KCNH8: variants seen among roughly 807,000 people sequenced by gnomAD.
KCNH8 encodes voltage-gated delayed rectifier potassium channel KCNH8.
A neutral mutation model predicts 103.6 loss-of-function variants in KCNH8; 70 were observed. The observed-to-expected ratio is 0.68, with a 90% CI of 0.56 to 0.82. The LOEUF (loss-of-function observed/expected upper bound fraction) is 0.82. Among genes scored for constraint, KCNH8 ranks in the 40% least tolerant of loss-of-function variants. The pLI is 0.00. For synonymous variants in KCNH8, 498 were observed against 489.4 expected (o/e 1.02, Z -0.23); for missense variants, 1,217 against 1,329.9 (o/e 0.92, Z 1.32).
At chr3:19,415,034 A>C (rs962833412) in intron 7 of KCNH8, among the ~76,000 whole-genome samples, 2 of 152,138 alleles carry the variant, frequency 1.3e-5, no homozygotes, top group East Asian at 3.9e-4. Flanking sequence ...CTACTATTAT[A>C]AACTTGGTGC....
chr3:19,152,673 C>G (rs958951299), intron 1 of KCNH8, among the ~76,000 whole-genome samples: 1 of 152,236 alleles, frequency 6.6e-6, no homozygotes, highest in Non-Finnish European at 1.5e-5. Flanking sequence ...CAGTGGCTCA[C>G]GCCTGTAATC....
intron 2 of KCNH8, among the ~76,000 whole-genome samples, chr3:19,276,752 A>G (rs1323252705): frequency 1.3e-5 from 2 of 152,196 alleles, no homozygotes; most frequent in South Asian, 2.1e-4. Context: ...TAATAATTAT[A>G]AATATTAGCA....
intron 11 of KCNH8, among the ~76,000 whole-genome samples, chr3:19,459,034 A>G (rs2067578745): frequency 6.6e-6 from 1 of 152,048 alleles, no homozygotes; most frequent in Non-Finnish European, 1.5e-5. Flanking sequence ...TATCTTGGCT[A>G]TTATGAATAA....
At chr3:19,354,328 G>T (rs1321614872) in intron 5 of KCNH8, among the ~76,000 whole-genome samples, 2 of 152,142 alleles carry the variant, frequency 1.3e-5, no homozygotes, top group East Asian at 1.9e-4. Flanking sequence ...TAGACTCAAT[G>T]CTATCCCCAT....
chr3:19,224,473 A>AT (rs747972200), intron 1 of KCNH8, among the ~76,000 whole-genome samples: 7 of 151,560 alleles, frequency 4.6e-5, no homozygotes, highest in South Asian at 4.2e-4. Flanking sequence ...TTGAAGTGTA[A>AT]TTTTTTCTCC....
intron 1 of KCNH8, among the ~76,000 whole-genome samples, chr3:19,206,213 A>G (rs2063714197): frequency 6.8e-6 from 1 of 148,116 alleles, no homozygotes; most frequent in Admixed American, 6.8e-5. Context: ...GTATATATAC[A>G]TACCACAGTT....
intron 1 of KCNH8, among the ~76,000 whole-genome samples, chr3:19,245,460 C>T (rs1051638592): frequency 2.6e-5 from 4 of 152,028 alleles, no homozygotes; most frequent in African/African-American, 7.3e-5. Flanking sequence ...TGTTTCCATA[C>T]GAATTTTAGA....
chr3:19,210,455 T>A (rs1296502225), intron 1 of KCNH8, among the ~76,000 whole-genome samples: 1 of 152,096 alleles, frequency 6.6e-6, no homozygotes, highest in African/African-American at 2.4e-5. Context: ...CCAGGGTGAA[T>A]AAAGCCTTCT....
chr3:19,533,731 TATCA>T lies in KCNH8; in HGVS notation c.2957_2960del (p.Tyr986PhefsTer23). ...GCAAAATCCTGCAGACAGTGAACTT[TATCA>T]TTCTCCAAGCCTTGATTATTCACCT... On this transcript the variant is annotated frameshift_variant, in exon 16 of 16. Transcript: ENST00000328405. LOFTEE classifies it high-confidence loss of function. 6.2e-7 allele frequency: 1 copy of T among 1,614,208 alleles called. No homozygotes were observed. Among genetic ancestry groups the T allele is most frequent in the South Asian group, 1.1e-5 (1 of 91,090 alleles).
chr3:19,390,824 A>C (rs75074579), intron 6 of KCNH8, among the ~76,000 whole-genome samples, 186 bp downstream of exon 6: 1,616 of 152,212 alleles, frequency 0.011, 16 homozygotes, highest in Non-Finnish European at 0.017. Flanking sequence ...TTTGACATTC[A>C]TATTAGCTGT....
chr3:19,366,062 C>T (rs555188360), intron 5 of KCNH8, among the ~76,000 whole-genome samples: 15 of 152,070 alleles, frequency 9.9e-5, no homozygotes, highest in Non-Finnish European at 1.5e-4. Context: ...CATTATCCTT[C>T]GAGCATTTTT....
At chr3:19,513,781 G>A (rs1276287294) in intron 13 of KCNH8, among the ~76,000 whole-genome samples, 1 of 151,988 alleles carries the variant, frequency 6.6e-6, no homozygotes, top group Non-Finnish European at 1.5e-5. Flanking sequence ...ATCAAGGACG[G>A]CTAAAACTTA....
chr3:19,388,022 TCA>T (rs2066382364), intron 5 of KCNH8, among the ~76,000 whole-genome samples: 1 of 152,040 alleles, frequency 6.6e-6, no homozygotes, highest in Non-Finnish European at 1.5e-5. Flanking sequence ...TGTTGCTGTA[TCA>T]GTCAACCATA....
intron 3 of KCNH8, among the ~76,000 whole-genome samples, chr3:19,332,001 T>A (rs1209167149): frequency 1.3e-5 from 2 of 152,028 alleles, no homozygotes; most frequent in African/African-American, 4.8e-5. Flanking sequence ...GAAATTTTTT[T>A]AAGTATTAGT....
intron 1 of KCNH8, among the ~76,000 whole-genome samples, chr3:19,243,465 T>C (rs1317068910): frequency 2.0e-5 from 3 of 152,192 alleles, no homozygotes; most frequent in Non-Finnish European, 4.4e-5. Flanking sequence ...AATTATCTCT[T>C]GTAAAGCTAC....
intron 3 of KCNH8, among the ~76,000 whole-genome samples, chr3:19,282,703 T>C (rs780678280): frequency 5.9e-5 from 9 of 152,274 alleles, no homozygotes; most frequent in Admixed American, 1.3e-4. Flanking sequence ...ATGTTCCTTA[T>C]GTCTCGTGTT....
chr3:19,249,188 T>A (rs1444554275), intron 1 of KCNH8, among the ~76,000 whole-genome samples: 1 of 152,258 alleles, frequency 6.6e-6, no homozygotes, highest in Non-Finnish European at 1.5e-5. Flanking sequence ...GTAAGTATTA[T>A]GGCAGTGGCT....
intron 1 of KCNH8, among the ~76,000 whole-genome samples, chr3:19,187,849 A>G (rs989371659): frequency 5.3e-5 from 8 of 152,086 alleles, no homozygotes; most frequent in African/African-American, 1.7e-4. Flanking sequence ...GCCCTCATCT[A>G]CTTGTTGGCT....
rs1026925813 is a variant in KCNH8 at position 19,430,406 on chromosome 3, CTTTGTTTTTT to C, written c.1178-7748_1178-7739del. Among the ~76,000 whole-genome samples the C allele has an allele frequency of 1.1e-4, 16 of 151,660 alleles. 1 individual carries two copies. In the South Asian group the frequency reaches 2.3e-3, roughly 22 times the overall value. On this transcript the variant is annotated intron_variant, in intron 7 of 15. Transcript: ENST00000328405. ...AAGTTGGGTAGCATGATGCCTCCAG[CTTTGTTTTTT>C]TTTGTTTTTGTTTTTATTTGTTTTG... is the stretch of plus-strand genomic sequence containing the variant.
Sources: allele counts gnomAD v4.1 joint callset (sites outside exome capture counted in the v4.1 genomes callset), GRCh38; gene constraint gnomAD v4.1.1; transcripts MANE v1.5; gene names NCBI Gene and HGNC (gene_info 2026-07-23, HGNC 2026-07-21).